Variants in CNTNAP4 observed in about 807,000 individuals in gnomAD.
The protein encoded by CNTNAP4 is contactin-associated protein-like 4.
A neutral mutation model predicts 148.4 loss-of-function variants in CNTNAP4; 98 were observed. The ratio of observed to expected loss-of-function variants is 0.66; its 90% CI spans 0.56 to 0.78. CNTNAP4 has a LOEUF of 0.78. CNTNAP4 is among the 30% of genes least tolerant of loss of function. The pLI is 0.00. For missense variants in CNTNAP4, 1,935 were observed against 1,565.6 expected (o/e 1.24, Z -3.98); for synonymous variants, 730 against 565.1 (o/e 1.29, Z -4.14).
chr16:76,539,974 A>G (rs2084380464), intron 20 of CNTNAP4, 122 bp downstream of exon 20: 1 of 672,068 alleles, frequency 1.5e-6, no homozygotes, highest in Non-Finnish European at 2.5e-6. Context: ...TCTTCTGCAG[A>G]TAATAGACCT....
intron 3 of CNTNAP4, among the ~76,000 whole-genome samples, chr16:76,395,694 A>C (rs1344154871): frequency 6.6e-6 from 1 of 152,072 alleles, no homozygotes; most frequent in Non-Finnish European, 1.5e-5. Context: ...AATCGGTAAC[A>C]GTCACCAGCA....
intron 15 of CNTNAP4, 33 bp downstream of exon 15, chr16:76,498,727 G>A (rs76580924): frequency 3.2e-6 from 5 of 1,551,884 alleles, no homozygotes; most frequent in African/African-American, 1.4e-5. Context: ...AACCGTATTT[G>A]AGAAAAGAAC....
chr16:76,553,537 G>C (rs767000846), intron 22 of CNTNAP4, 36 bp downstream of exon 22: 1 of 1,443,806 alleles, frequency 6.9e-7, no homozygotes, highest in Non-Finnish European at 9.6e-7. Flanking sequence ...AGTCACAGAC[G>C]TAGCTTGTCC....
intron 3 of CNTNAP4, among the ~76,000 whole-genome samples, chr16:76,399,823 G>A (rs1597423078): frequency 6.6e-6 from 1 of 152,126 alleles, no homozygotes; most frequent in Non-Finnish European, 1.5e-5. Context: ...CATTAGTCAT[G>A]TATCACACTT....
chr16:76,333,779 G>GTTTTTTTTT (rs549878036), intron 2 of CNTNAP4, among the ~76,000 whole-genome samples: 1 of 45,614 alleles, frequency 2.2e-5, no homozygotes, highest in Non-Finnish European at 4.3e-5. Flanking sequence ...TGGGTTATAG[G>GTTTTTTTTT]TTTTTTTTTT....
intron 2 of CNTNAP4, among the ~76,000 whole-genome samples, chr16:76,355,044 T>A (rs1013185081): frequency 3.3e-5 from 5 of 152,214 alleles, no homozygotes; most frequent in African/African-American, 1.2e-4. Context: ...TGTTCACCTA[T>A]CATATTAAAC....
Position 76,508,172 on chromosome 16 carries a change from A to G in CNTNAP4, c.2365+9478A>G, listed in dbSNP as rs1361309170. ...GAATAACAGTTCATGAAATAAAGAG[A>G]ATGATTTAATATATGCATGTAAAGA... is the stretch of plus-strand genomic sequence containing the variant. On this transcript the variant is annotated intron_variant, in intron 15 of 23. Coordinates refer to ENST00000611870, the MANE Select transcript of CNTNAP4 (RefSeq NM_033401.5). Among the ~76,000 whole-genome samples the G allele has an allele frequency of 4.1e-4, 40 of 97,778 alleles. 6 individuals are homozygous for G. Among genetic ancestry groups the G allele is most frequent in the African/African-American group, 9.5e-4 (37 of 39,018 alleles). 64.1% of individuals were successfully genotyped at this position (97,778 alleles called of 152,430 possible).
At chr16:76,350,896 CAG>C (rs2011641032) in intron 2 of CNTNAP4, among the ~76,000 whole-genome samples, 2 of 152,130 alleles carry the variant, frequency 1.3e-5, no homozygotes, top group African/African-American at 4.8e-5. Flanking sequence ...TGCCAAGTCT[CAG>C]TAACAAAGTT....
At position 76,448,792 on chromosome 16, in the gene CNTNAP4, C is replaced by G; in HGVS notation, c.768C>G (p.Ser256=). The G allele has an allele frequency of 6.2e-7, 1 of 1,610,344 alleles. No individual in the cohort carries two copies. Among genetic ancestry groups the G allele is most frequent in the Non-Finnish European group, 8.5e-7 (1 of 1,178,396 alleles). ...NSGEAKLPST[S]TLVNLTLGSL... is the part of the protein sequence containing the mutation. ...GTGAAGCTAAACTGCCTTCCACTTC[C>G]ACCCTGGTCAATCTCACCCTGGGCA... Residue 256 remains serine, a synonymous_variant, in exon 6 of 24, where the codon TCC becomes TCG. Transcript: ENST00000611870.
intron 3 of CNTNAP4, among the ~76,000 whole-genome samples, chr16:76,393,573 A>C (rs932052700): frequency 6.6e-6 from 1 of 152,110 alleles, no homozygotes; most frequent in Non-Finnish European, 1.5e-5. Context: ...AAATGAATGG[A>C]GATCCTTGTG....
At chr16:76,541,588 A>G (rs2084457288) in intron 21 of CNTNAP4, among the ~76,000 whole-genome samples, 2 of 152,170 alleles carry the variant, frequency 1.3e-5, no homozygotes, top group Non-Finnish European at 2.9e-5. Context: ...AAGATAGTAA[A>G]TGGAATTTTA....
At chr16:76,376,460 A>T (rs1472499362) in intron 3 of CNTNAP4, among the ~76,000 whole-genome samples, 2 of 152,106 alleles carry the variant, frequency 1.3e-5, no homozygotes, top group Admixed American at 6.6e-5. Flanking sequence ...TAAAGGAAGA[A>T]AAAAAGTAAA....
chr16:76,331,815 G>A (rs1201383509), intron 2 of CNTNAP4, among the ~76,000 whole-genome samples: 1 of 152,130 alleles, frequency 6.6e-6, no homozygotes, highest in Non-Finnish European at 1.5e-5. Flanking sequence ...TCCATACAGT[G>A]TTCTTTACGT....
intron 9 of CNTNAP4, among the ~76,000 whole-genome samples, chr16:76,467,039 T>C (rs1225885392): frequency 2.0e-5 from 3 of 152,162 alleles, no homozygotes; most frequent in Non-Finnish European, 4.4e-5. Context: ...TTATATATAG[T>C]TTAATATTGC....
chr16:76,553,967 AT>A, intron 23 of CNTNAP4, 60 bp downstream of exon 23: 1 of 1,074,200 alleles, frequency 9.3e-7, no homozygotes. Context: ...GATGATGAAT[AT>A]TTAGCATTGT....
intron 17 of CNTNAP4, among the ~76,000 whole-genome samples, chr16:76,525,013 T>C (rs190388958): frequency 1.3e-5 from 2 of 152,086 alleles, no homozygotes; most frequent in East Asian, 1.9e-4. Context: ...AGAAAATTAC[T>C]GGCTGTCAAA....
At chr16:76,416,197 A>G (rs553185279) in intron 3 of CNTNAP4, among the ~76,000 whole-genome samples, 2 of 151,212 alleles carry the variant, frequency 1.3e-5, no homozygotes, top group Non-Finnish European at 3.0e-5. Flanking sequence ...AATCTTAGCA[A>G]ACTTTTGAAA....
At chr16:76,298,963 C>G (rs1567618679) in intron 1 of CNTNAP4, among the ~76,000 whole-genome samples, 1 of 152,048 alleles carries the variant, frequency 6.6e-6, no homozygotes, top group Non-Finnish European at 1.5e-5. Flanking sequence ...GTAGGGACTT[C>G]TAACTTCATT....
intron 15 of CNTNAP4, among the ~76,000 whole-genome samples, chr16:76,504,219 A>G (rs1401550237): frequency 6.6e-6 from 1 of 152,162 alleles, no homozygotes; most frequent in Non-Finnish European, 1.5e-5. Context: ...ACAGATATTC[A>G]AGGAAGTGTG....
Sources: gnomAD v4.1 joint callset for allele counts (sites outside exome capture counted in the v4.1 genomes callset) on GRCh38, gnomAD v4.1.1 for gene constraint, MANE v1.5 for transcripts, NCBI Gene and HGNC (gene_info 2026-07-23, HGNC 2026-07-21) for gene names.